CHODL: variants seen among roughly 807,000 people sequenced by gnomAD.
The protein encoded by CHODL is transmembrane protein MT75.
A neutral mutation model predicts 34.5 loss-of-function variants in CHODL; 29 were observed. The observed-to-expected ratio is 0.84, with a 90% CI of 0.63 to 1.15. The LOEUF is 1.15. Among genes scored for constraint, CHODL ranks in the 50% most tolerant of loss-of-function variants. The pLI is 0.00. For missense variants in CHODL, 332 were observed against 332.5 expected (o/e 1.00, Z 0.01); for synonymous variants, 125 against 116.1 (o/e 1.08, Z -0.49).
At position 18,025,002 on chromosome 21, in the gene CHODL, C is replaced by T. The variant is rs140423841; in HGVS notation, c.-144-2870C>T. On this transcript the variant is annotated intron_variant, in intron 1 of 6. Coordinates refer to the CHODL transcript ENST00000400127. The stretch of plus-strand genomic sequence containing the variant: ...TTATACCTGCTTGACCTAGCCTGCA[C>T]ACCAAAGTGATACCTTCCAGAACCA... Among the ~76,000 whole-genome samples, 13 of 152,280 alleles carry T rather than the reference C, an allele frequency of 8.5e-5. No homozygotes were observed. The East Asian group carries it at 2.5e-3, about 29-fold the overall frequency.
At chr21:18,088,124 A>T (rs568009526) in intron 2 of CHODL, among the ~76,000 whole-genome samples, 2 of 152,260 alleles carry the variant, frequency 1.3e-5, no homozygotes, top group East Asian at 3.9e-4. Flanking sequence ...AACAGTGATG[A>T]TTACAATTTA....
intron 2 of CHODL, among the ~76,000 whole-genome samples, chr21:18,097,762 A>G (rs2065157384): frequency 6.6e-6 from 1 of 152,080 alleles, no homozygotes; most frequent in Non-Finnish European, 1.5e-5. Flanking sequence ...ACAGCAAAAG[A>G]TACCTTGAGC....
intron 2 of CHODL, among the ~76,000 whole-genome samples, chr21:18,209,895 C>G (rs2073754898): frequency 6.6e-6 from 1 of 152,048 alleles, no homozygotes; most frequent in African/African-American, 2.4e-5. Context: ...GAGATAGTAT[C>G]CAAGTTCCAA....
intron 2 of CHODL, among the ~76,000 whole-genome samples, chr21:18,174,700 C>T (rs1370179061): frequency 1.3e-5 from 2 of 152,234 alleles, no homozygotes; most frequent in Admixed American, 6.5e-5. Context: ...GGGAAACATA[C>T]ACTCACTTTC....
Position 18,067,861 on chromosome 21 carries a change from T to C in CHODL, c.-45+39890T>C, listed in dbSNP as rs148496913. On this transcript the variant is annotated intron_variant, in intron 2 of 6. Transcript: ENST00000400127. ...TCACGCAACAGTCTAGCCAGAAAGG[T>C]CATTTGTGATGGATTCCCCAGCTTG... 2.9e-3 allele frequency among the ~76,000 whole-genome samples: 438 copies of C among 152,278 alleles called. 2 individuals carry two copies. Among genetic ancestry groups the C allele is most frequent in the Non-Finnish European group, 2.0e-3 (138 of 68,026 alleles).
At chr21:18,137,646 AAAATTGT>A (rs2072749940) in intron 2 of CHODL, among the ~76,000 whole-genome samples, 2 of 152,088 alleles carry the variant, frequency 1.3e-5, no homozygotes, top group African/African-American at 4.8e-5. Flanking sequence ...TTTCTTAAAC[AAAATTGT>A]CATTTACCTC....
intron 2 of CHODL, among the ~76,000 whole-genome samples, chr21:18,139,931 A>G (rs182634856): frequency 1.3e-5 from 2 of 152,312 alleles, no homozygotes; most frequent in Admixed American, 1.3e-4. Context: ...GAACTGAGGA[A>G]ATATCACATG....
intron 2 of CHODL, among the ~76,000 whole-genome samples, chr21:18,180,315 A>G (rs1002644736): frequency 6.6e-6 from 1 of 151,940 alleles, no homozygotes; most frequent in East Asian, 1.9e-4. Context: ...ACCACATCCA[A>G]CTAATTTTTA....
At chr21:18,138,739 A>T (rs1259989496) in intron 2 of CHODL, among the ~76,000 whole-genome samples, 1 of 152,198 alleles carries the variant, frequency 6.6e-6, no homozygotes, top group East Asian at 1.9e-4. Context: ...ACTTTCTGGA[A>T]TAGCAAGCGA....
At chr21:17,934,784 A>G (rs532630210) in intron 1 of CHODL, among the ~76,000 whole-genome samples, 1 of 152,058 alleles carries the variant, frequency 6.6e-6, no homozygotes, top group East Asian at 1.9e-4. Context: ...ATTTATGTGC[A>G]TATGTTTTGT....
At chr21:18,169,513 T>A (rs1298424111) in intron 2 of CHODL, among the ~76,000 whole-genome samples, 1 of 151,944 alleles carries the variant, frequency 6.6e-6, no homozygotes, top group Admixed American at 6.6e-5. Context: ...TTGTAGTAAG[T>A]TTTGAAGTCA....
At chr21:18,095,612 C>A (rs2065130722) in intron 2 of CHODL, among the ~76,000 whole-genome samples, 2 of 152,102 alleles carry the variant, frequency 1.3e-5, no homozygotes, top group Non-Finnish European at 1.5e-5. Context: ...CTCAAACATT[C>A]TGAAAAATAG....
At chr21:18,227,857 T>G (rs938144800) in intron 2 of CHODL, among the ~76,000 whole-genome samples, 1 of 152,220 alleles carries the variant, frequency 6.6e-6, no homozygotes, top group Non-Finnish European at 1.5e-5. Flanking sequence ...GGAAAAATTA[T>G]AGCAACAATA....
At chr21:18,089,698 T>G (rs2065048733) in intron 2 of CHODL, among the ~76,000 whole-genome samples, 1 of 152,210 alleles carries the variant, frequency 6.6e-6, no homozygotes, top group Admixed American at 6.5e-5. Context: ...GTGCATATCT[T>G]TTCTTTCTGA....
intron 2 of CHODL, among the ~76,000 whole-genome samples, chr21:18,121,059 T>G (rs1020390585): frequency 6.6e-6 from 1 of 152,192 alleles, no homozygotes; most frequent in African/African-American, 2.4e-5. Context: ...GCTGTCTGTT[T>G]TCTGTGTTCT....
intron 2 of CHODL, among the ~76,000 whole-genome samples, chr21:18,179,120 A>G (rs2073350941): frequency 6.6e-6 from 1 of 152,148 alleles, no homozygotes. Flanking sequence ...TTGAAACCTC[A>G]AGAAACTTGA....
At chr21:18,053,993 T>C (rs1305849163) in intron 2 of CHODL, among the ~76,000 whole-genome samples, 2 of 151,916 alleles carry the variant, frequency 1.3e-5, no homozygotes, top group East Asian at 3.9e-4. Context: ...ATATATGACA[T>C]GTATATATAT....
chr21:17,981,454 T>A (rs553100089), intron 1 of CHODL, among the ~76,000 whole-genome samples: 4 of 152,304 alleles, frequency 2.6e-5, no homozygotes, highest in Non-Finnish European at 5.9e-5. Context: ...GATTTGAGTT[T>A]CCATGGAAAC....
At chr21:18,205,371 A>G (rs565107538) in intron 2 of CHODL, among the ~76,000 whole-genome samples, 21 of 152,256 alleles carry the variant, frequency 1.4e-4, no homozygotes, top group Middle Eastern at 6.8e-3. Flanking sequence ...CATTCTGTTG[A>G]TATGATGTAT....
Sources: allele counts gnomAD v4.1 joint callset (sites outside exome capture counted in the v4.1 genomes callset), GRCh38; gene constraint gnomAD v4.1.1; transcripts MANE v1.5; gene names NCBI Gene and HGNC (gene_info 2026-07-23, HGNC 2026-07-21).